Variants in DIS3 observed in about 807,000 individuals in gnomAD.
The protein encoded by DIS3 is DIS3 exosome endoribonuclease and 3'-5' exoribonuclease.
In DIS3, 103 loss-of-function variants were observed where a neutral mutation model predicts 113.0. That is an observed-to-expected ratio of 0.91 (90% CI 0.78 to 1.07). The LOEUF (loss-of-function observed/expected upper bound fraction) is 1.07. DIS3 is among the 50% of genes least tolerant of loss of function. The pLI is 0.00. For synonymous variants in DIS3, 402 were observed against 394.3 expected, an observed-to-expected ratio of 1.02 and a Z score of -0.23; for missense variants, 1,121 against 1,167.1, an observed-to-expected ratio of 0.96 and a Z score of 0.58.
Position 72,759,720 on chromosome 13 carries a change from T to C in DIS3, c.*75A>G, listed in dbSNP as rs187598190. 4,974 of 1,147,252 alleles carry C rather than the reference T, an allele frequency of 4.3e-3. 23 individuals carry two copies. The highest frequency in any genetic ancestry group is 6.4e-3 in the Middle Eastern group (22 of 3,426). The allele number at this position is 1,147,252 out of a possible 1,614,324, so 71.1% of individuals were successfully genotyped here. Reference sequence around the variant, plus strand: ...AAAGTAACAAACTGTATCACACACTTAGGCTTAGAAGTGTTCTTTCAAGTT... The same window carrying C: ...AAAGTAACAAACTGTATCACACACTCAGGCTTAGAAGTGTTCTTTCAAGTT... On this transcript the variant is annotated 3_prime_UTR_variant, in exon 21 of 21. Transcript: ENST00000377767.
At chr13:72,773,518 A>G (rs2033934515) in intron 8 of DIS3, among the ~76,000 whole-genome samples, 166 bp downstream of exon 8, 2 of 152,184 alleles carry the variant, frequency 1.3e-5, no homozygotes, top group Non-Finnish European at 2.9e-5. Flanking sequence ...ATTTCATAAA[A>G]TTAATTTTCA....
In DIS3 at chr13:72,754,215, C is replaced by G. The variant is rs1430068568; in HGVS notation, c.*5580G>C. On this transcript the variant is annotated 3_prime_UTR_variant, in exon 21 of 21. Transcript: ENST00000377767. ...GTGTTGCCCAGGCTGGTCTCAAACT[C>G]CTGGTGTCAAGCAGTCTTTCTGCCT... The G allele has an allele frequency of 6.3e-6, 1 of 158,630 alleles. No homozygotes were observed. Among genetic ancestry groups the G allele is most frequent in the Non-Finnish European group, 1.4e-5 (1 of 72,638 alleles). The allele number at this position is 158,630 out of a possible 1,614,324, so 9.8% of individuals were successfully genotyped here.
intron 2 of DIS3, among the ~76,000 whole-genome samples, chr13:72,780,272 G>A (rs543086850): frequency 7.7e-6 from 1 of 129,824 alleles, no homozygotes; most frequent in East Asian, 2.3e-4. Context: ...GTTGCAGTGA[G>A]CAGAGATCAC....
At position 72,755,976 on chromosome 13, in the gene DIS3, G is replaced by C; in HGVS notation, c.*3819C>G. The stretch of plus-strand genomic sequence containing the variant: ...GAGAACCAAGAGAAAAAGTGGGGCT[G>C]GGAGAGTGGAGTTCCCGTAGGGCAT... On this transcript the variant is annotated 3_prime_UTR_variant, in exon 21 of 21. Transcript: ENST00000377767. 1 of 398,618 alleles carries C rather than the reference G, an allele frequency of 2.5e-6. No individual in the cohort carries two copies. The allele number at this position is 398,618 out of a possible 1,614,324, so 24.7% of individuals were successfully genotyped here. A position where few individuals can be genotyped will look rare whatever the true frequency, so the allele number is the denominator to read the frequency against.
At chr13:72,765,430 G>A (rs1397489079) in intron 15 of DIS3, among the ~76,000 whole-genome samples, 1 of 152,062 alleles carries the variant, frequency 6.6e-6, no homozygotes, top group Non-Finnish European at 1.5e-5. Context: ...TGGCACCAGG[G>A]ACGGGTTTCA....
chr13:72,775,134 GAAACTTGTTTTCC>G, intron 6 of DIS3, 64 bp downstream of exon 6: 2 of 1,405,718 alleles, frequency 1.4e-6, no homozygotes, highest in Non-Finnish European at 1.9e-6. Flanking sequence ...TGAAAGCAAT[GAAACTTGTTTTCC>G]AAAGCTGACA....
At chr13:72,772,599 G>T (rs538526974) in intron 9 of DIS3, 94 bp downstream of exon 9, 2 of 1,305,082 alleles carry the variant, frequency 1.5e-6, no homozygotes, top group African/African-American at 3.0e-5. Flanking sequence ...GAGGGCCCGT[G>T]GTGTCTACAT....
Position 72,753,776 on chromosome 13 carries a change from A to G in DIS3, c.*6019T>C, listed in dbSNP as rs1261265047. ...AAAGTTACTGCAAAGAAAGTGATGC[A>G]CAAACATGTGAAGTTGAGAGTAAAT... On this transcript the variant is annotated 3_prime_UTR_variant, in exon 21 of 21. Coordinates refer to ENST00000377767, the MANE Select transcript of DIS3 (RefSeq NM_014953.5). 15 of 1,613,604 alleles carry G rather than the reference A, an allele frequency of 9.3e-6. No homozygotes were observed. Among genetic ancestry groups the G allele is most frequent in the Non-Finnish European group, 1.1e-5 (13 of 1,179,624 alleles).
chr13:72,780,701 T>C (rs1593856865), intron 2 of DIS3, 145 bp downstream of exon 2: 3 of 832,770 alleles, frequency 3.6e-6, no homozygotes, highest in East Asian at 5.3e-5. Flanking sequence ...CTTAGCATTA[T>C]CTTCTGCACA....
rs2033417297 is a variant in DIS3, at chr13:72,755,147, A to G, written c.*4648T>C. 1 of 1,613,336 alleles carries G rather than the reference A, an allele frequency of 6.2e-7. No individual in the cohort carries two copies. Among genetic ancestry groups the G allele is most frequent in the Non-Finnish European group, 8.5e-7 (1 of 1,179,638 alleles). On this transcript the variant is annotated 3_prime_UTR_variant, in exon 21 of 21. Transcript: ENST00000377767. ...AAAACAAGGTATTGTCTTCTTTTTC[A>G]CAGCAAGACCACACAACACAGAGGT...
At chr13:72,762,821 AG>A (rs1476788738) in intron 16 of DIS3, among the ~76,000 whole-genome samples, 2 of 150,594 alleles carry the variant, frequency 1.3e-5, no homozygotes, top group Non-Finnish European at 3.0e-5. Context: ...ACTGAGTTGA[AG>A]TAAATAAATA....
rs2033483935 is a variant in DIS3 at position 72,756,692 on chromosome 13, T to C, written c.*3103A>G. On this transcript the variant is annotated 3_prime_UTR_variant, in exon 21 of 21. Coordinates refer to ENST00000377767, the MANE Select transcript of DIS3 (RefSeq NM_014953.5). ...CTGTTCCTGTGATAGTGAGCCGGTC[T>C]CATGAGATCTGAAGGTTTTATAAGC... 2 of 152,182 alleles carry C rather than the reference T, an allele frequency of 1.3e-5. No individual in the cohort carries two copies. Among genetic ancestry groups the C allele is most frequent in the Admixed American group, 6.5e-5 (1 of 15,282 alleles). The allele number at this position is 152,182 out of a possible 1,614,324, so 9.4% of individuals were successfully genotyped here. A position where few individuals can be genotyped will look rare whatever the true frequency, so the allele number is the denominator to read the frequency against.
At chr13:72,770,828 TA>T in intron 13 of DIS3, 75 bp downstream of exon 13, 2 of 1,027,368 alleles carry the variant, frequency 1.9e-6, no homozygotes, top group Non-Finnish European at 1.4e-6. Context: ...TGTGAATCTT[TA>T]AAAAATTTAT....
Position 72,778,331 on chromosome 13 carries a change from C to A in DIS3, c.436G>T (p.Asp146Tyr). The A allele has an allele frequency of 6.3e-7, 1 of 1,592,258 alleles. No individual in the cohort carries two copies. Among genetic ancestry groups the A allele is most frequent in the South Asian group, 1.1e-5 (1 of 88,954 alleles). ...TTTGCTGCTACTCGAATCGCTCTAT[C>A]ATTCCTGTCATTAGCATTTTCTCCC... ...EQGENANDRNDRAIRVAAKWY... is the reference protein window; with the variant it reads ...EQGENANDRNYRAIRVAAKWY... Residue 146 changes from aspartate (D) to tyrosine (Y), a missense_variant, in exon 3 of 21, where the codon GAT becomes TAT. Asp to Tyr is a radical substitution (Grantham distance 160). Coordinates refer to ENST00000377767, the MANE Select transcript of DIS3 (RefSeq NM_014953.5).
chr13:72,779,460 T>A (rs1373614986), intron 2 of DIS3, among the ~76,000 whole-genome samples: 2 of 152,100 alleles, frequency 1.3e-5, no homozygotes, highest in African/African-American at 4.8e-5. Context: ...AGTCATAAAT[T>A]TTTGAATTGG....
In DIS3 at chr13:72,772,737, C is replaced by T; in HGVS notation, c.1342G>A (p.Val448Ile). 1.9e-6 allele frequency: 3 copies of T among 1,613,126 alleles called. No individual in the cohort carries two copies. Among genetic ancestry groups the T allele is most frequent in the Non-Finnish European group, 2.5e-6 (3 of 1,179,790 alleles). Residue 448 changes from valine to isoleucine, a missense_variant, in exon 9 of 21, where the codon GTT becomes ATT. Val to Ile is a conservative substitution (Grantham distance 29). Coordinates refer to ENST00000377767, the MANE Select transcript of DIS3 (RefSeq NM_014953.5). ...DVPHQPFSQA[V>I]LSFLPKMPWS... ...GGCATCTTTGGCAGAAAACTAAGAA[C>T]AGCCTGTGAAAAAGGCTGATGGGGA...
Position 72,774,020 on chromosome 13 carries a change from C to A in DIS3, c.1027G>T (p.Gly343Cys), listed in dbSNP as rs765602357. Residue 343 changes from glycine (G) to cysteine (C), a missense_variant, in exon 7 of 21, where the codon GGT becomes TGT. By Grantham distance (159) the Gly-to-Cys change is radical (BLOSUM62 -3). This residue lies in a region of DIS3 where 861 missense variants were observed against 915.5 expected (regional missense o/e 0.94). Coordinates refer to ENST00000377767, the MANE Select transcript of DIS3 (RefSeq NM_014953.5). ...CTTTTTATTATTCCTACAACTCTAC[C>A]TGTAGGCTTCAACATTTTCTCGCTT... ...AVSEKMLKPT[G>C]RVVGIIKRNW... 3 of 1,610,042 alleles carry A rather than the reference C, an allele frequency of 1.9e-6. No individual in the cohort carries two copies. The highest frequency in any genetic ancestry group is 2.5e-6 in the Non-Finnish European group (3 of 1,179,092).
rs751394086 is a variant in DIS3 at position 72,776,048 on chromosome 13, G to A, written c.699C>T (p.Pro233=). Residue 233 remains proline, a synonymous_variant, in exon 5 of 21, where the codon CCC becomes CCT. Coordinates refer to ENST00000377767, the MANE Select transcript of DIS3 (RefSeq NM_014953.5). ...SGKIIFSEHL[P]LSKLQQGIKS... ...TTATGCCTTGCTGTAGCTTACTTAA[G>A]GGAAGATGCTCTGAAAATATTATTT... 8.7e-6 allele frequency: 14 copies of A among 1,603,022 alleles called. No individual in the cohort carries two copies. The highest frequency in any genetic ancestry group is 1.3e-5 in the African/African-American group (1 of 74,222).
chr13:72,772,906 T>C, intron 8 of DIS3, 67 bp from the exon 9 acceptor site: 1 of 1,474,656 alleles, frequency 6.8e-7, no homozygotes. Flanking sequence ...CATATTAAAT[T>C]CTTCAGCATT....
Sources: allele counts gnomAD v4.1 joint callset (sites outside exome capture counted in the v4.1 genomes callset), GRCh38; gene constraint gnomAD v4.1.1; regional missense constraint gnomAD v4.1.1; transcripts MANE v1.5; gene names NCBI Gene and HGNC (gene_info 2026-07-23, HGNC 2026-07-21).